The following FNDC3B variants were observed in gnomAD, a reference collection of about 807,000 sequenced individuals.
FNDC3B encodes the protein fibronectin type III domain containing 3B.
Under a neutral mutation model 151.5 loss-of-function variants are expected in FNDC3B, and 12 were observed. That is an observed-to-expected ratio of 0.08 (90% confidence interval 0.05 to 0.13). The LOEUF (loss-of-function observed/expected upper bound fraction) is 0.13, where lower values mean the gene tolerates loss of function less well. FNDC3B is among the 10% of genes least tolerant of loss of function. The probability of loss-of-function intolerance (pLI) is 1.00; values close to 1 mark genes in which losing one functional copy is unlikely to be tolerated. For missense variants in FNDC3B, 1,214 were observed against 1,505.3 expected, an observed-to-expected ratio of 0.81 and a Z score of 3.20; for synonymous variants, 528 against 549.0, an observed-to-expected ratio of 0.96 and a Z score of 0.54.
chr3:172,065,741 GATTTTTGTACTGAAGTCAGAAAGT>G (rs1717466043), intron 1 of FNDC3B, among the ~76,000 whole-genome samples: 1 of 152,192 alleles, frequency 6.6e-6, no homozygotes, highest in African/African-American at 2.4e-5. Flanking sequence ...GGTCAGAAAA[GATTTTTGTACTGAAGTCAGAAAGT>G]ATATTGCAGT....
chr3:172,217,517 G>C (rs1419086163), intron 3 of FNDC3B, among the ~76,000 whole-genome samples: 2 of 151,790 alleles, frequency 1.3e-5, no homozygotes, highest in African/African-American at 4.8e-5. Flanking sequence ...TGTTGTTTAT[G>C]TATGTGTTAT....
Position 172,255,205 on chromosome 3 carries a change from C to T in FNDC3B, c.790+3664C>T, listed in dbSNP as rs373117500. 6.4e-4 allele frequency among the ~76,000 whole-genome samples: 97 copies of T among 152,258 alleles called. 1 individual carries two copies. Among genetic ancestry groups the T allele is most frequent in the African/African-American group, 2.2e-3 (93 of 41,548 alleles). ...AGAAGTGGCTTCCTTTGCTTAAACC[C>T]GTCTTATATTTTGAAAGCTAAACCC... On this transcript the variant is annotated intron_variant, in intron 6 of 25. Transcript: ENST00000415807.
Position 172,194,015 on chromosome 3 carries a change from T to C in FNDC3B, c.188-32856T>C, listed in dbSNP as rs909904051. On this transcript the variant is annotated intron_variant, in intron 3 of 25. Coordinates refer to ENST00000415807, the MANE Select transcript of FNDC3B (RefSeq NM_022763.4). ...GCGGGCGGATCACAAGGTCAGGAGA[T>C]TGAGACCATCCTGGCTAACACAGTG... 1.2e-4 allele frequency among the ~76,000 whole-genome samples: 19 copies of C among 152,088 alleles called. No homozygotes were observed. The East Asian group carries it at 3.1e-3, about 25-fold the overall frequency.
intron 3 of FNDC3B, among the ~76,000 whole-genome samples, chr3:172,212,684 GAA>G (rs1370285239): frequency 2.0e-5 from 3 of 152,242 alleles, no homozygotes; most frequent in African/African-American, 7.2e-5. Flanking sequence ...AGGAAGCACA[GAA>G]ATTATCAGGT....
intron 1 of FNDC3B, among the ~76,000 whole-genome samples, chr3:172,110,943 A>G (rs1028141645): frequency 6.6e-6 from 1 of 152,080 alleles, no homozygotes; most frequent in Non-Finnish European, 1.5e-5. Flanking sequence ...TACTAAAAAT[A>G]TGAAAATTAG....
chr3:172,124,078 T>A (rs1720689271), intron 2 of FNDC3B, among the ~76,000 whole-genome samples: 1 of 152,128 alleles, frequency 6.6e-6, no homozygotes, highest in South Asian at 2.1e-4. Context: ...ATTGACTACT[T>A]CTGCACACTT....
At chr3:172,392,747 A>G (rs1368650780) in intron 25 of FNDC3B, among the ~76,000 whole-genome samples, 2 of 142,228 alleles carry the variant, frequency 1.4e-5, no homozygotes, top group African/African-American at 5.1e-5. Flanking sequence ...GGGTAGAATT[A>G]TTTGGATTGA....
intron 25 of FNDC3B, among the ~76,000 whole-genome samples, chr3:172,381,898 C>G (rs62283224): frequency 0.017 from 2,570 of 152,212 alleles, 35 homozygotes; most frequent in Non-Finnish European, 0.023. Context: ...GGTTCCAAGT[C>G]TTTGCTATTG....
intron 2 of FNDC3B, among the ~76,000 whole-genome samples, chr3:172,118,387 C>G (rs1017388072): frequency 6.6e-6 from 1 of 152,148 alleles, no homozygotes; most frequent in Non-Finnish European, 1.5e-5. Flanking sequence ...TCGGGGGACC[C>G]GTGAAGAGTT....
intron 1 of FNDC3B, among the ~76,000 whole-genome samples, chr3:172,064,396 C>T (rs1212733336): frequency 1.3e-5 from 2 of 151,982 alleles, no homozygotes; most frequent in African/African-American, 2.4e-5. Flanking sequence ...CATAATGACC[C>T]GTTTTATATT....
chr3:172,171,657 C>T (rs1353798199), intron 3 of FNDC3B, among the ~76,000 whole-genome samples: 1 of 149,178 alleles, frequency 6.7e-6, no homozygotes, highest in Non-Finnish European at 1.5e-5. Context: ...CTCAGAATTC[C>T]AGTTCTTTAC....
intron 6 of FNDC3B, among the ~76,000 whole-genome samples, chr3:172,281,211 AT>A (rs1206078014): frequency 1.5e-4 from 20 of 135,020 alleles, no homozygotes; most frequent in African/African-American, 4.9e-4. Context: ...TATTATTATT[AT>A]TTATATTTAT....
chr3:172,265,242 A>G (rs956194853), intron 6 of FNDC3B, among the ~76,000 whole-genome samples: 2 of 152,214 alleles, frequency 1.3e-5, no homozygotes, highest in Non-Finnish European at 2.9e-5. Flanking sequence ...ATAGGTATCT[A>G]TACAAAGTAT....
At chr3:172,257,178 T>TC (rs1576845501) in intron 6 of FNDC3B, among the ~76,000 whole-genome samples, 2 of 152,168 alleles carry the variant, frequency 1.3e-5, no homozygotes, top group African/African-American at 4.8e-5. Context: ...TCCAAAGTGC[T>TC]GGGATTACAG....
chr3:172,123,700 CTT>C (rs1720668234), intron 2 of FNDC3B, among the ~76,000 whole-genome samples: 1 of 152,096 alleles, frequency 6.6e-6, no homozygotes, highest in Admixed American at 6.5e-5. Flanking sequence ...CATTTAAACT[CTT>C]ATCACCTTGG....
chr3:172,268,117 A>G (rs1729016017), intron 6 of FNDC3B, among the ~76,000 whole-genome samples: 1 of 152,204 alleles, frequency 6.6e-6, no homozygotes, highest in South Asian at 2.1e-4. Context: ...AAAGACATAG[A>G]AGATTTTAAC....
chr3:172,400,883 A>G lies in FNDC3B; in HGVS notation c.*3408A>G, dbSNP rs1413279777. ...GTGATTCCCCTGCCTCAGCCTCCCA[A>G]GTAGCTGGGGATTACAGGCACTCGC... On this transcript the variant is annotated 3_prime_UTR_variant, in exon 26 of 26. Transcript: ENST00000415807. 2.0e-5 allele frequency: 3 copies of G among 148,102 alleles called. No individual in the cohort carries two copies. The highest frequency in any genetic ancestry group is 7.5e-5 in the African/African-American group (3 of 40,100). 9.2% of individuals were successfully genotyped at this position (148,102 alleles called of 1,614,324 possible).
intron 3 of FNDC3B, among the ~76,000 whole-genome samples, chr3:172,224,208 ACT>A (rs1475177753): frequency 1.3e-5 from 2 of 151,968 alleles, no homozygotes; most frequent in African/African-American, 2.4e-5. Flanking sequence ...TAAATACACA[ACT>A]CTCTCGTTGG....
chr3:172,355,674 A>G (rs1017690839), intron 22 of FNDC3B, among the ~76,000 whole-genome samples: 3 of 152,190 alleles, frequency 2.0e-5, no homozygotes, highest in Non-Finnish European at 1.5e-5. Context: ...TTTGAGCCCT[A>G]CACCTGTAGG....
Sources: allele counts gnomAD v4.1 joint callset (sites outside exome capture counted in the v4.1 genomes callset), GRCh38; gene constraint gnomAD v4.1.1; transcripts MANE v1.5; gene names NCBI Gene and HGNC (gene_info 2026-07-23, HGNC 2026-07-21).